Variants in SLC6A4 observed in about 807,000 individuals in gnomAD.
The protein encoded by SLC6A4 is solute carrier family 6 member 4.
In SLC6A4, 22 loss-of-function variants were observed where a neutral mutation model predicts 73.4. The ratio of observed to expected loss-of-function variants is 0.30; its 90% confidence interval spans 0.21 to 0.43. The LOEUF (loss-of-function observed/expected upper bound fraction) is 0.43. Ranked by LOEUF, SLC6A4 falls within the 20% of genes least tolerant of loss-of-function variation. The pLI, the probability that SLC6A4 is intolerant of heterozygous loss-of-function variation, is 1.00. For missense variants in SLC6A4, 593 were observed against 808.5 expected (o/e 0.73, Z 3.23); for synonymous variants, 270 against 315.5 (o/e 0.86, Z 1.53).
At position 30,207,500 on chromosome 17, in the gene SLC6A4, G is replaced by T. The variant is rs755940951; in HGVS notation, c.1650+232C>A. Among the ~76,000 whole-genome samples, 8 of 152,118 alleles carry T rather than the reference G, an allele frequency of 5.3e-5. No homozygotes were observed. In the East Asian group the frequency reaches 1.5e-3, roughly 29 times the overall value. ...CCTCCTGGGTTCAAGCCATTCTCCTGCCTCAGCTTCCTGAGTAGCTGGGAT... is the reference window on the plus strand; with the variant it reads ...CCTCCTGGGTTCAAGCCATTCTCCTTCCTCAGCTTCCTGAGTAGCTGGGAT... On this transcript the variant is annotated intron_variant, in intron 13 of 14. Coordinates refer to ENST00000650711, the MANE Select transcript of SLC6A4 (RefSeq NM_001045.6).
In SLC6A4 at chr17:30,195,731, T is replaced by C. The variant is rs1457739949; in HGVS notation, c.*2725A>G. 6.6e-6 allele frequency: 1 copy of C among 151,874 alleles called. No homozygotes were observed. The highest frequency in any genetic ancestry group is 2.4e-5 in the African/African-American group (1 of 41,310). The allele number at this position is 151,874 out of a possible 1,614,324, so 9.4% of individuals were successfully genotyped here. A position where few individuals can be genotyped will look rare whatever the true frequency, so the allele number is the denominator to read the frequency against. On this transcript the variant is annotated 3_prime_UTR_variant, in exon 15 of 15. Transcript: ENST00000650711. The stretch of plus-strand genomic sequence containing the variant: ...TTAAAATTTAGAGACAGTTAAGCAA[T>C]GAAGTGGGGAAGGGGCAATACTATG...
At chr17:30,222,445 A>G (rs1320638524) in intron 2 of SLC6A4, among the ~76,000 whole-genome samples, 1 of 152,174 alleles carries the variant, frequency 6.6e-6, no homozygotes, top group African/African-American at 2.4e-5. Context: ...AGAGGCTCCA[A>G]AGCGTCACAG....
In SLC6A4 at chr17:30,197,411, C is replaced by T. The variant is rs1251678127; in HGVS notation, c.*1045G>A. 6.6e-6 allele frequency: 1 copy of T among 152,360 alleles called. No homozygotes were observed. 9.4% of individuals were successfully genotyped at this position (152,360 alleles called of 1,614,324 possible). On this transcript the variant is annotated 3_prime_UTR_variant, in exon 15 of 15. Coordinates refer to ENST00000650711, the MANE Select transcript of SLC6A4 (RefSeq NM_001045.6). ...CAGTGCTAAACGAGAATCCGATTTA[C>T]CCTCCTCTCTTCACCGAGCAAAGCA... is the stretch of plus-strand genomic sequence containing the variant.
chr17:30,215,758 C>G lies in SLC6A4; in HGVS notation c.973-44G>C, dbSNP rs34083002. Reference sequence around the variant, plus strand: ...AAGGGCATGGGGTGAGGGGGAGACACAGGCTTACCCTGGCACCAACAGGGT... The same window carrying G: ...AAGGGCATGGGGTGAGGGGGAGACAGAGGCTTACCCTGGCACCAACAGGGT... On this transcript the variant is annotated intron_variant, in intron 7 of 14. Transcript: ENST00000650711. 4.4e-3 allele frequency: 6,730 copies of G among 1,530,958 alleles called. 184 individuals are homozygous for G. The African/African-American group carries it at 0.068, about 16-fold the overall frequency. 94.8% of individuals were successfully genotyped at this position (1,530,958 alleles called of 1,614,324 possible).
chr17:30,223,077 G>A (rs947556660), intron 1 of SLC6A4, among the ~76,000 whole-genome samples, 162 bp from the exon 2 acceptor site: 1 of 152,194 alleles, frequency 6.6e-6, no homozygotes, highest in Non-Finnish European at 1.5e-5. Context: ...GGTCTGAGTC[G>A]TCAAACGTGG....
At position 30,198,313 on chromosome 17, in the gene SLC6A4, C is replaced by T. The variant is rs1905926175; in HGVS notation, c.*143G>A. Reference sequence around the variant, plus strand: ...TGGCTGGAGGCCTTGAGTCTGGGCACCAGACTGTGTCCCTGTGGAGAAGGC... The same window carrying T: ...TGGCTGGAGGCCTTGAGTCTGGGCATCAGACTGTGTCCCTGTGGAGAAGGC... On this transcript the variant is annotated 3_prime_UTR_variant, in exon 15 of 15. Transcript: ENST00000650711. The T allele has an allele frequency of 1.1e-5, 6 of 570,354 alleles. No homozygotes were observed. The highest frequency in any genetic ancestry group is 1.9e-5 in the African/African-American group (1 of 52,142). 35.3% of individuals were successfully genotyped at this position (570,354 alleles called of 1,614,324 possible). A position where few individuals can be genotyped will look rare whatever the true frequency, so the allele number is the denominator to read the frequency against.
At chr17:30,219,838 C>T (rs749891269) in intron 3 of SLC6A4, among the ~76,000 whole-genome samples, 2 of 152,194 alleles carry the variant, frequency 1.3e-5, no homozygotes, top group African/African-American at 2.4e-5. Context: ...AACCCAGAAA[C>T]CTGAGGTCTG....
At chr17:30,230,148 A>T (rs532011490) in intron 1 of SLC6A4, among the ~76,000 whole-genome samples, 1 of 151,866 alleles carries the variant, frequency 6.6e-6, no homozygotes, top group East Asian at 1.9e-4. Flanking sequence ...GAGGAGGAGG[A>T]GGAAGAGGAA....
At chr17:30,203,836 G>A (rs1246896105) in intron 13 of SLC6A4, among the ~76,000 whole-genome samples, 2 of 152,256 alleles carry the variant, frequency 1.3e-5, no homozygotes, top group African/African-American at 2.4e-5. Context: ...TCAGACGGAA[G>A]GTGCCTGATG....
intron 1 of SLC6A4, among the ~76,000 whole-genome samples, chr17:30,230,544 GA>G (rs1907081798): frequency 6.6e-6 from 1 of 152,152 alleles, no homozygotes; most frequent in Non-Finnish European, 1.5e-5. Context: ...GAGAAGAGAG[GA>G]AAAAACAACC....
chr17:30,210,425 CTG>C lies in SLC6A4; in HGVS notation c.1449+88_1449+89del, dbSNP rs889024863. The C allele has an allele frequency of 5.0e-6, 7 of 1,395,454 alleles. No homozygotes were observed. In the African/African-American group the frequency reaches 8.7e-5, roughly 17 times the overall value. The allele number at this position is 1,395,454 out of a possible 1,614,324, so 86.4% of individuals were successfully genotyped here. A position where few individuals can be genotyped will look rare whatever the true frequency, so the allele number is the denominator to read the frequency against. On this transcript the variant is annotated intron_variant, in intron 11 of 14. Coordinates refer to ENST00000650711, the MANE Select transcript of SLC6A4 (RefSeq NM_001045.6). ...CTCCTTTGGTCCCAAAGCCAGGGCACTGTGTGAGATGGAAGGAGACGAACAGC... is the reference window on the plus strand; with the variant it reads ...CTCCTTTGGTCCCAAAGCCAGGGCACTGTGAGATGGAAGGAGACGAACAGC...
chr17:30,218,425 G>GTTT, intron 4 of SLC6A4, 88 bp from the exon 5 acceptor site: 5 of 992,134 alleles, frequency 5.0e-6, no homozygotes, highest in Non-Finnish European at 6.2e-6. Context: ...GGAGAGCCCC[G>GTTT]CAGCCCAGCA....
chr17:30,195,151 A>G lies in SLC6A4; in HGVS notation c.*3305T>C, dbSNP rs1397758569. The G allele has an allele frequency of 6.6e-6, 1 of 152,250 alleles. No homozygotes were observed. Among genetic ancestry groups the G allele is most frequent in the East Asian group, 1.9e-4 (1 of 5,206 alleles). The allele number at this position is 152,250 out of a possible 1,614,324, so 9.4% of individuals were successfully genotyped here. A position where few individuals can be genotyped will look rare whatever the true frequency, so the allele number is the denominator to read the frequency against. On this transcript the variant is annotated 3_prime_UTR_variant, in exon 15 of 15. Coordinates refer to ENST00000650711, the MANE Select transcript of SLC6A4 (RefSeq NM_001045.6). ...TTGAAACACCTAATGTAGAAACAAT[A>G]CTGAATTGATTTCAACTATATGAAA...
chr17:30,207,448 C>T (rs925935655), intron 13 of SLC6A4, among the ~76,000 whole-genome samples: 3 of 152,128 alleles, frequency 2.0e-5, no homozygotes, highest in African/African-American at 7.2e-5. Flanking sequence ...AGTGCAGTGG[C>T]GCAATTTCAG....
At chr17:30,212,975 G>T in intron 8 of SLC6A4, 108 bp from the exon 9 acceptor site, 1 of 1,222,440 alleles carries the variant, frequency 8.2e-7, no homozygotes, top group Non-Finnish European at 1.2e-6. Context: ...CCACAGCAAG[G>T]ACAAGCAGGC....
At chr17:30,217,354 T>C in intron 5 of SLC6A4, 50 bp from the exon 6 acceptor site, 2 of 1,580,292 alleles carry the variant, frequency 1.3e-6, no homozygotes, top group Non-Finnish European at 1.7e-6. Flanking sequence ...TAGAGTGACC[T>C]GGGCACACAT....
intron 1 of SLC6A4, among the ~76,000 whole-genome samples, chr17:30,232,775 T>C (rs1907151274): frequency 6.6e-6 from 1 of 152,208 alleles, no homozygotes; most frequent in Non-Finnish European, 1.5e-5. Flanking sequence ...ATTCAGTAAA[T>C]GAGCATTCGT....
At chr17:30,218,095 A>T in intron 5 of SLC6A4, 23 bp downstream of exon 5, 1 of 1,605,486 alleles carries the variant, frequency 6.2e-7, no homozygotes, top group Non-Finnish European at 8.5e-7. Flanking sequence ...TAACAGGCCA[A>T]CCCCTCACTT....
intron 3 of SLC6A4, among the ~76,000 whole-genome samples, chr17:30,219,269 A>C (rs1906675606): frequency 6.6e-6 from 1 of 152,180 alleles, no homozygotes; most frequent in African/African-American, 2.4e-5. Flanking sequence ...TTTCCTCCCT[A>C]TAAAAGAACA....
Sources: gnomAD v4.1 joint callset for allele counts (sites outside exome capture counted in the v4.1 genomes callset) on GRCh38, gnomAD v4.1.1 for gene constraint, MANE v1.5 for transcripts, NCBI Gene and HGNC (gene_info 2026-07-23, HGNC 2026-07-21) for gene names.